The following PCSK6 variants were observed in gnomAD, a reference collection of about 807,000 sequenced individuals.
The protein encoded by PCSK6 is paired basic amino acid cleaving enzyme 4.
A neutral mutation model predicts 123.3 loss-of-function variants in PCSK6; 85 were observed. The observed-to-expected ratio is 0.69, with a 90% CI of 0.58 to 0.83. The LOEUF (loss-of-function observed/expected upper bound fraction) is 0.83, where lower values mean the gene tolerates loss of function less well. Ranked by LOEUF, PCSK6 falls within the 40% of genes least tolerant of loss-of-function variation. PCSK6 has a pLI of 0.00. For missense variants in PCSK6, 1,191 were observed against 1,282.3 expected (o/e 0.93, Z 1.09); for synonymous variants, 508 against 516.0 (o/e 0.98, Z 0.21).
intron 13 of PCSK6, among the ~76,000 whole-genome samples, chr15:101,352,203 A>G (rs370894214): frequency 2.0e-4 from 25 of 124,914 alleles, no homozygotes; most frequent in Admixed American, 6.1e-4. Flanking sequence ...GCTGGAGTGC[A>G]GTGGTGCAAT....
At chr15:101,433,766 T>A (rs11633400) in intron 2 of PCSK6, among the ~76,000 whole-genome samples, 1 of 152,122 alleles carries the variant, frequency 6.6e-6, no homozygotes, top group South Asian at 2.1e-4. Context: ...TCCCTGAGCC[T>A]TGGCCTCCCC....
chr15:101,367,062 C>T (rs1302918144), intron 12 of PCSK6, among the ~76,000 whole-genome samples: 1 of 152,152 alleles, frequency 6.6e-6, no homozygotes, highest in Non-Finnish European at 1.5e-5. Context: ...GAGGAGACAG[C>T]TCCCCCACCC....
At chr15:101,362,045 C>T (rs2041241560) in intron 13 of PCSK6, among the ~76,000 whole-genome samples, 1 of 150,174 alleles carries the variant, frequency 6.7e-6, no homozygotes, top group Admixed American at 6.7e-5. Context: ...CAAGCTCCAC[C>T]TCCCAGGTTC....
At chr15:101,340,214 C>G (rs1485088558) in intron 13 of PCSK6, among the ~76,000 whole-genome samples, 1 of 152,102 alleles carries the variant, frequency 6.6e-6, no homozygotes, top group African/African-American at 2.4e-5. Flanking sequence ...CCCACACTCA[C>G]GTACTTACCT....
At chr15:101,307,548 C>T (rs2039754407) in intron 20 of PCSK6, 2 of 495,396 alleles carry the variant, frequency 4.0e-6, no homozygotes, top group Non-Finnish European at 7.3e-6. Flanking sequence ...CAGAGACAGC[C>T]ATGGCCAGTT....
chr15:101,418,741 G>A (rs61001304), intron 6 of PCSK6, among the ~76,000 whole-genome samples: 33,738 of 151,998 alleles, frequency 0.22, 3,885 homozygotes, highest in East Asian at 0.38. Flanking sequence ...TCGAGCTCCC[G>A]ACATCAGGTG....
At chr15:101,456,459 C>G (rs985256224) in intron 1 of PCSK6, among the ~76,000 whole-genome samples, 1 of 152,194 alleles carries the variant, frequency 6.6e-6, no homozygotes, top group Non-Finnish European at 1.5e-5. Flanking sequence ...TTCCCTCATT[C>G]CTTCCCTCAA....
At chr15:101,307,427 C>T (rs2039751563) in intron 20 of PCSK6, 102 bp from the exon 21 acceptor site, 8 of 780,314 alleles carry the variant, frequency 1.0e-5, no homozygotes, top group African/African-American at 1.7e-5. Flanking sequence ...TTCCCACCCC[C>T]TCAGCCTCGG....
At position 101,462,281 on chromosome 15, in the gene PCSK6, T is replaced by C. The variant is rs140964648; in HGVS notation, c.298-18621A>G. 2.4e-3 allele frequency among the ~76,000 whole-genome samples: 366 copies of C among 152,314 alleles called. 2 individuals are homozygous for C. The highest frequency in any genetic ancestry group is 8.4e-3 in the African/African-American group (349 of 41,572). On this transcript the variant is annotated intron_variant, in intron 1 of 21. Coordinates refer to ENST00000611716, the MANE Select transcript of PCSK6 (RefSeq NM_002570.5). ...TATAAGAATTTACAAACTTTACTAA[T>C]ACTTAAAGGAGACCTAAATAAAGAG...
In PCSK6 at chr15:101,398,083, G is replaced by A. The variant is rs543896335; in HGVS notation, c.996+321C>T. 2.3e-4 allele frequency among the ~76,000 whole-genome samples: 35 copies of A among 152,322 alleles called. No individual in the cohort carries two copies. The highest frequency in any genetic ancestry group is 8.4e-4 in the African/African-American group (35 of 41,578). On this transcript the variant is annotated intron_variant, in intron 7 of 21. Coordinates refer to ENST00000611716, the MANE Select transcript of PCSK6 (RefSeq NM_002570.5). The surrounding 1 kb of genome is among the most constrained non-coding windows in gnomAD (Gnocchi z 4.6). The stretch of plus-strand genomic sequence containing the variant: ...GTAACAGGCCAGGTGAGCTGCCTTA[G>A]ACCCCCGTCACCCACCTGTGTACCC...
At chr15:101,366,522 T>C (rs1410102096) in intron 12 of PCSK6, among the ~76,000 whole-genome samples, 190 bp from the exon 13 acceptor site, 1 of 152,112 alleles carries the variant, frequency 6.6e-6, no homozygotes, top group Non-Finnish European at 1.5e-5. Flanking sequence ...TTTAAGCTCT[T>C]ACACAGACTC....
intron 7 of PCSK6, among the ~76,000 whole-genome samples, chr15:101,394,332 C>T (rs2042337542): frequency 2.0e-5 from 3 of 152,138 alleles, no homozygotes; most frequent in Admixed American, 6.5e-5. Context: ...TGAAAGACAG[C>T]AGCCAGTCAG....
intron 20 of PCSK6, among the ~76,000 whole-genome samples, chr15:101,311,503 T>G (rs2039861869): frequency 6.6e-6 from 1 of 152,028 alleles, no homozygotes; most frequent in African/African-American, 2.4e-5. Context: ...GTGAAGACGC[T>G]GGGCAGATGC....
intron 13 of PCSK6, among the ~76,000 whole-genome samples, chr15:101,361,685 A>AT (rs1463716143): frequency 6.6e-6 from 1 of 152,210 alleles, no homozygotes; most frequent in East Asian, 1.9e-4. Context: ...TTTTGCTCTA[A>AT]GAGCTGTGGG....
Position 101,384,352 on chromosome 15 carries a change from C to G in PCSK6, c.1384G>C (p.Asp462His), listed in dbSNP as rs369879412. The G allele has an allele frequency of 1.9e-6, 3 of 1,613,686 alleles. No homozygotes were observed. The highest frequency in any genetic ancestry group is 2.5e-6 in the Non-Finnish European group (3 of 1,179,828). Residue 462 changes from aspartate to histidine, a missense_variant, in exon 10 of 22, where the codon GAC becomes CAC. Physicochemically the swap from Asp to His is moderately conservative, Grantham distance 81 (BLOSUM62 -1). Transcript: ENST00000611716. ...TSRPAHLKAS[D>H]WKVNGAGHKV... Reference sequence around the variant, plus strand: ...TGACCCGCGCCGTTCACTTTCCAGTCGCTCGCTTTCAGGTGGGCCGGCCGG... The same window carrying G: ...TGACCCGCGCCGTTCACTTTCCAGTGGCTCGCTTTCAGGTGGGCCGGCCGG...
intron 13 of PCSK6, among the ~76,000 whole-genome samples, chr15:101,360,838 G>T (rs991880981): frequency 6.6e-6 from 1 of 152,166 alleles, no homozygotes; most frequent in Non-Finnish European, 1.5e-5. Context: ...AGGCCTTCCC[G>T]GTACACCCTG....
intron 1 of PCSK6, among the ~76,000 whole-genome samples, chr15:101,456,167 T>C (rs969318339): frequency 1.3e-5 from 2 of 152,154 alleles, no homozygotes; most frequent in African/African-American, 2.4e-5. Context: ...TGAGAAGTAA[T>C]TGCTTGGAAG....
At chr15:101,428,048 C>G in intron 5 of PCSK6, 68 bp from the exon 6 acceptor site, 2 of 1,227,356 alleles carry the variant, frequency 1.6e-6, no homozygotes, top group Non-Finnish European at 1.2e-6. Context: ...GTGCCTGGCT[C>G]AGTTCAATGC....
intron 13 of PCSK6, among the ~76,000 whole-genome samples, chr15:101,355,929 T>C (rs1056692327): frequency 2.6e-5 from 4 of 152,172 alleles, no homozygotes; most frequent in Non-Finnish European, 4.4e-5. Context: ...TGACTTGGTC[T>C]GGGTCTCACT....
Sources: allele counts gnomAD v4.1 joint callset (sites outside exome capture counted in the v4.1 genomes callset), GRCh38; gene constraint gnomAD v4.1.1; non-coding constraint Gnocchi (gnomAD v3.1); transcripts MANE v1.5; gene names NCBI Gene and HGNC (gene_info 2026-07-23, HGNC 2026-07-21).